Variants in ARHGEF11 observed in about 807,000 individuals in gnomAD.
ARHGEF11 encodes Rho guanine nucleotide exchange factor 11.
Under a neutral mutation model 193.7 loss-of-function variants are expected in ARHGEF11, and 55 were observed. That is an observed-to-expected ratio of 0.28 (90% CI 0.23 to 0.36). The LOEUF (loss-of-function observed/expected upper bound fraction) is 0.36, where lower values mean the gene tolerates loss of function less well. Among genes scored for constraint, ARHGEF11 ranks in the 10% least tolerant of loss-of-function variants. ARHGEF11 has a pLI of 1.00. For missense variants in ARHGEF11, 1,723 were observed against 2,005.6 expected, an observed-to-expected ratio of 0.86 and a Z score of 2.69; for synonymous variants, 693 against 768.0, an observed-to-expected ratio of 0.90 and a Z score of 1.62.
chr1:157,023,807 G>A (rs1393528694), intron 1 of ARHGEF11, among the ~76,000 whole-genome samples: 3 of 151,762 alleles, frequency 2.0e-5, no homozygotes, highest in Admixed American at 2.0e-4. Context: ...TGGAGAGGAT[G>A]TGGAGAAACT....
chr1:157,010,177 TA>T (rs1668378374), intron 1 of ARHGEF11, among the ~76,000 whole-genome samples: 1 of 152,060 alleles, frequency 6.6e-6, no homozygotes, highest in African/African-American at 2.4e-5. Context: ...CTATAAAAAA[TA>T]AAATAAATTT....
intron 7 of ARHGEF11, 76 bp downstream of exon 7, chr1:156,976,907 G>T: frequency 7.6e-7 from 1 of 1,324,130 alleles, no homozygotes; most frequent in Admixed American, 1.7e-5. Context: ...ATTAAGTTGT[G>T]TACATTGGCA....
chr1:157,020,056 G>A (rs1249799938), intron 1 of ARHGEF11, among the ~76,000 whole-genome samples: 8 of 151,788 alleles, frequency 5.3e-5, no homozygotes, highest in East Asian at 1.9e-4. Flanking sequence ...CCTGGGAGAC[G>A]GAGCTTGCAG....
chr1:156,981,164 T>A (rs552240986), intron 3 of ARHGEF11, among the ~76,000 whole-genome samples: 12 of 151,474 alleles, frequency 7.9e-5, no homozygotes, highest in Admixed American at 1.3e-4. Context: ...CAAGTAGCTA[T>A]GGAACTACAG....
In ARHGEF11 at chr1:156,945,052, C is replaced by A; in HGVS notation, c.2958G>T (p.Glu986Asp). 6.2e-7 allele frequency: 1 copy of A among 1,614,166 alleles called. No individual in the cohort carries two copies. The highest frequency in any genetic ancestry group is 1.1e-5 in the South Asian group (1 of 91,082). ...CTGCTGCCAGGGGGTTGCTGGCCCT[C>A]TCCAGGGCGGTGGCATCCAGGCGTT... The part of the protein sequence containing the change: ...YQKRLDATAL[E>D]RASNPLAAEF... Residue 986 changes from glutamate (E) to aspartate (D), a missense_variant, in exon 30 of 41, where the codon GAG becomes GAT. Physicochemically the swap from Glu to Asp is conservative, Grantham distance 45. This residue lies in a region of ARHGEF11 where 491 missense variants were observed against 654.5 expected (regional missense o/e 0.75). Transcript: ENST00000368194.
intron 11 of ARHGEF11, among the ~76,000 whole-genome samples, chr1:156,965,741 C>T (rs1244844048): frequency 1.3e-5 from 2 of 152,180 alleles, no homozygotes; most frequent in African/African-American, 2.4e-5. Flanking sequence ...TTCTTTTGCA[C>T]AGTAGCTCTT....
intron 1 of ARHGEF11, among the ~76,000 whole-genome samples, chr1:157,028,747 C>T (rs1479361911): frequency 6.6e-6 from 1 of 152,034 alleles, no homozygotes; most frequent in Non-Finnish European, 1.5e-5. Flanking sequence ...AGAAAATATG[C>T]AAATAATCAA....
chr1:156,940,079 C>T (rs959928269), intron 36 of ARHGEF11, 128 bp downstream of exon 36: 24 of 1,397,160 alleles, frequency 1.7e-5, no homozygotes, highest in African/African-American at 2.9e-5. Flanking sequence ...CATCTGTCTC[C>T]GCATCCATCT....
At chr1:157,046,245 C>T (rs1203194276), upstream of ARHGEF11, among the ~76,000 whole-genome samples, 1 of 151,676 alleles carries the variant, frequency 6.6e-6, no homozygotes, top group Admixed American at 6.6e-5. Context: ...CCACCGCCAC[C>T]GCCACCCCTG....
Position 156,940,190 on chromosome 1 carries a change from G to A in ARHGEF11, c.3733+17C>T. 1 of 1,551,746 alleles carries A rather than the reference G, an allele frequency of 6.4e-7. No individual in the cohort carries two copies. Among genetic ancestry groups the A allele is most frequent in the Non-Finnish European group, 8.7e-7 (1 of 1,146,660 alleles). ...ACTGGGGACCAGGGGCTGACGGCAG[G>A]GCCTTGAAGCACTCACCATCTTCCA... On this transcript the variant is annotated intron_variant, in intron 36 of 40. Transcript: ENST00000368194.
At chr1:156,957,702 C>T in intron 18 of ARHGEF11, 90 bp downstream of exon 18, 1 of 1,383,146 alleles carries the variant, frequency 7.2e-7, no homozygotes, top group Non-Finnish European at 1.0e-6. Context: ...TGAGGGACTC[C>T]CCTGTGATTG....
intron 11 of ARHGEF11, among the ~76,000 whole-genome samples, chr1:156,967,599 T>A (rs1026645116): frequency 6.6e-6 from 1 of 151,902 alleles, no homozygotes; most frequent in African/African-American, 2.4e-5. Flanking sequence ...TATGTTACGG[T>A]TCCAAGTAAT....
intron 29 of ARHGEF11, 157 bp from the exon 30 acceptor site, chr1:156,945,354 AGTGGTAAGG>A (rs1423062268): frequency 1.4e-6 from 1 of 708,938 alleles, no homozygotes; most frequent in Non-Finnish European, 2.3e-6. Flanking sequence ...GAGGACCCCA[AGTGGTAAGG>A]GTAACTTTTA....
intron 1 of ARHGEF11, among the ~76,000 whole-genome samples, chr1:157,002,481 A>T (rs1667330523): frequency 6.6e-6 from 1 of 152,188 alleles, no homozygotes; most frequent in Non-Finnish European, 1.5e-5. Flanking sequence ...TTCAAGTAGT[A>T]CTGTCTCTAG....
rs1673169445 is a variant in ARHGEF11, at chr1:157,044,876, A to C, written c.-546T>G. 5.1e-6 allele frequency: 1 copy of C among 194,506 alleles called. No individual in the cohort carries two copies. The highest frequency in any genetic ancestry group is 6.0e-5 in the Admixed American group (1 of 16,750). The allele number at this position is 194,506 out of a possible 1,614,324, so 12.0% of individuals were successfully genotyped here. A position where few individuals can be genotyped will look rare whatever the true frequency, so the allele number is the denominator to read the frequency against. On this transcript the variant is annotated 5_prime_UTR_variant, in exon 1 of 41. Coordinates refer to ENST00000368194, the MANE Select transcript of ARHGEF11 (RefSeq NM_198236.3). ...GAGGAAAGGAAAAAAAAAAGGATTAATAAATCCGAAATGGCACTTGGAAAA... is the reference window on the plus strand; with the variant it reads ...GAGGAAAGGAAAAAAAAAAGGATTACTAAATCCGAAATGGCACTTGGAAAA...
chr1:156,983,744 GTTTCT>G (rs879471933), intron 3 of ARHGEF11, among the ~76,000 whole-genome samples: 5 of 152,248 alleles, frequency 3.3e-5, no homozygotes, highest in African/African-American at 1.2e-4. Flanking sequence ...CTAAAATCCT[GTTTCT>G]TTTAAGAGGG....
intron 1 of ARHGEF11, among the ~76,000 whole-genome samples, chr1:157,001,827 G>A (rs559595953): frequency 6.6e-6 from 1 of 152,316 alleles, no homozygotes; most frequent in East Asian, 1.9e-4. Context: ...GTGTTAGGAA[G>A]ACAAAAATTA....
intron 1 of ARHGEF11, among the ~76,000 whole-genome samples, chr1:157,018,048 C>A (rs1307921012): frequency 6.6e-6 from 1 of 151,794 alleles, no homozygotes; most frequent in Non-Finnish European, 1.5e-5. Context: ...TACATACCAA[C>A]AAAAATAAAT....
At position 156,946,160 on chromosome 1, in the gene ARHGEF11, C is replaced by G. The variant is rs762318652; in HGVS notation, c.2697G>C (p.Glu899Asp). The change falls in exon 29 of 41, where the codon GAG becomes GAC. Residue 899 changes from glutamate to aspartate, a missense_variant and splice_region_variant. By Grantham distance (45) the Glu-to-Asp change is conservative. Coordinates refer to ENST00000368194, the MANE Select transcript of ARHGEF11 (RefSeq NM_198236.3). ...GCCGACACTGAGGGTGGCTCTCAGC[C>G]TCCTAGACAGCAGGAGACACAGAAG... ...KESRFQLFMQ[E>D]AESHPQCRRL... is the part of the protein sequence containing the mutation. 3.1e-6 allele frequency: 5 copies of G among 1,612,966 alleles called. No individual in the cohort carries two copies. The East Asian group carries it at 1.1e-4, about 36-fold the overall frequency.
Sources: allele counts gnomAD v4.1 joint callset (sites outside exome capture counted in the v4.1 genomes callset), GRCh38; gene constraint gnomAD v4.1.1; regional missense constraint gnomAD v4.1.1; transcripts MANE v1.5; gene names NCBI Gene and HGNC (gene_info 2026-07-23, HGNC 2026-07-21).